The following GABRG3 variants were observed in gnomAD, a reference collection of about 807,000 sequenced individuals.
GABRG3 encodes the protein gamma-aminobutyric acid receptor subunit gamma-3.
GABRG3 carries 25 observed loss-of-function variants against 48.8 expected under a neutral mutation model. The observed-to-expected ratio is 0.51, with a 90% CI of 0.37 to 0.72. The LOEUF (loss-of-function observed/expected upper bound fraction) is 0.72, where lower values mean the gene tolerates loss of function less well. GABRG3 is among the 30% of genes least tolerant of loss of function. GABRG3 has a pLI of 0.00. For missense variants in GABRG3, 394 were observed against 577.9 expected (o/e 0.68, Z 3.26); for synonymous variants, 227 against 217.6 (o/e 1.04, Z -0.38).
At chr15:27,326,482 A>G (rs571741167) in intron 3 of GABRG3, among the ~76,000 whole-genome samples, 3 of 152,252 alleles carry the variant, frequency 2.0e-5, no homozygotes, top group South Asian at 2.1e-4. Context: ...AGGTCCTGCT[A>G]CCTGTCAAGG....
rs912294078 is a variant in GABRG3, at chr15:27,477,868, G to A, written c.575-2782G>A. Among the ~76,000 whole-genome samples, 113 of 151,988 alleles carry A rather than the reference G, an allele frequency of 7.4e-4. 1 individual carries two copies. The highest frequency in any genetic ancestry group is 2.4e-4 in the Non-Finnish European group (16 of 67,992). ...ATCCTGGCTAACATGGTGAAACCCC[G>A]TCTCTACCCAAAATACAAAAGATAA... On this transcript the variant is annotated intron_variant, in intron 5 of 9. Transcript: ENST00000615808.
chr15:27,105,916 T>G (rs774822412), intron 3 of GABRG3, among the ~76,000 whole-genome samples: 1 of 152,066 alleles, frequency 6.6e-6, no homozygotes, highest in African/African-American at 2.4e-5. Context: ...AACTGTGGTG[T>G]GTATATACAA....
intron 5 of GABRG3, among the ~76,000 whole-genome samples, chr15:27,346,102 AG>A (rs1894362573): frequency 1.7e-5 from 1 of 59,936 alleles, no homozygotes; most frequent in African/African-American, 5.6e-5. Context: ...AAGAAAGGAA[AG>A]AAAGAGAAAG....
chr15:27,527,558 C>G lies in GABRG3; in HGVS notation c.991C>G (p.Leu331Val). The G allele has an allele frequency of 6.2e-7, 1 of 1,613,924 alleles. No individual in the cohort carries two copies. The highest frequency in any genetic ancestry group is 8.5e-7 in the Non-Finnish European group (1 of 1,179,884). ...TVCFLFVFAA[L>V]MEYATLNYYS... ...GTGCTTCCTGTTTGTCTTCGCCGCG[C>G]TGATGGAGTATGCCACCCTCAACTA... Residue 331 changes from leucine (L) to valine (V), a missense_variant, in exon 8 of 10, where the codon CTG becomes GTG. Leu to Val is a conservative substitution (Grantham distance 32). Transcript: ENST00000615808.
chr15:27,399,117 AAAC>A (rs1488315075), intron 5 of GABRG3, among the ~76,000 whole-genome samples: 1 of 152,234 alleles, frequency 6.6e-6, no homozygotes, highest in Non-Finnish European at 1.5e-5. Context: ...TCAAAAGCTA[AAAC>A]AATGGCATAG....
chr15:27,293,217 A>G (rs534619806), intron 3 of GABRG3, among the ~76,000 whole-genome samples: 2 of 152,360 alleles, frequency 1.3e-5, no homozygotes, highest in South Asian at 4.1e-4. Context: ...TAGAGTAAGT[A>G]GAAATTGGAG....
intron 3 of GABRG3, among the ~76,000 whole-genome samples, chr15:27,127,020 G>T (rs1897833360): frequency 6.6e-6 from 1 of 152,126 alleles, no homozygotes; most frequent in African/African-American, 2.4e-5. Context: ...AGTATACATT[G>T]CTGGGTATTG....
intron 3 of GABRG3, among the ~76,000 whole-genome samples, chr15:27,310,408 A>G (rs1489157494): frequency 6.6e-6 from 1 of 152,154 alleles, no homozygotes; most frequent in East Asian, 1.9e-4. Context: ...TGTCTAAGAA[A>G]AATCTAGTAA....
At chr15:27,199,940 C>CTTCTCTCTTTCCTGTCATCA (rs1309761489) in intron 3 of GABRG3, among the ~76,000 whole-genome samples, 6 of 150,578 alleles carry the variant, frequency 4.0e-5, no homozygotes, top group Admixed American at 2.0e-4. Context: ...TCCCTTCATC[C>CTTCTCTCTTTCCTGTCATCA]TTCTCTCTTT....
chr15:27,326,176 T>C (rs375354534), intron 3 of GABRG3, among the ~76,000 whole-genome samples: 4 of 152,336 alleles, frequency 2.6e-5, no homozygotes, highest in East Asian at 1.9e-4. Flanking sequence ...GCCTCTGTAA[T>C]TTGTACCTCT....
At chr15:27,510,188 G>T (rs1056899745) in intron 6 of GABRG3, among the ~76,000 whole-genome samples, 3 of 152,140 alleles carry the variant, frequency 2.0e-5, no homozygotes, top group South Asian at 2.1e-4. Flanking sequence ...TGCTTGTTGC[G>T]TGTGGGTGGT....
intron 3 of GABRG3, among the ~76,000 whole-genome samples, chr15:27,074,343 G>A (rs1298389917): frequency 6.7e-6 from 1 of 149,986 alleles, no homozygotes; most frequent in Admixed American, 6.6e-5. Flanking sequence ...AGAGCCCCAA[G>A]AGAGAGAGTG....
intron 5 of GABRG3, among the ~76,000 whole-genome samples, chr15:27,368,264 C>G (rs1330670727): frequency 3.3e-5 from 5 of 152,160 alleles, no homozygotes; most frequent in African/African-American, 1.2e-4. Context: ...TGAACTGGTT[C>G]CTAAAGCTTG....
At chr15:27,339,534 A>T (rs1295309433) in intron 5 of GABRG3, among the ~76,000 whole-genome samples, 1 of 152,102 alleles carries the variant, frequency 6.6e-6, no homozygotes, top group Non-Finnish European at 1.5e-5. Context: ...AGACTTGCAC[A>T]CCTTGTGGAA....
chr15:27,039,818 G>T (rs536687263), intron 3 of GABRG3, among the ~76,000 whole-genome samples: 1 of 152,126 alleles, frequency 6.6e-6, no homozygotes, highest in African/African-American at 2.4e-5. Context: ...GTCACCCCGC[G>T]GTCCGCCATT....
intron 2 of GABRG3, among the ~76,000 whole-genome samples, chr15:27,003,199 TTATA>T (rs1566905781): frequency 8.0e-6 from 1 of 125,690 alleles, no homozygotes; most frequent in East Asian, 2.0e-4. Context: ...TATTTTTATT[TTATA>T]TTTATTTATT....
At chr15:27,322,195 C>A (rs1893450134) in intron 3 of GABRG3, among the ~76,000 whole-genome samples, 1 of 152,190 alleles carries the variant, frequency 6.6e-6, no homozygotes, top group South Asian at 2.1e-4. Flanking sequence ...GTTTCTTCAA[C>A]ATTTAGTCAA....
chr15:27,154,188 G>A (rs1174923660), intron 3 of GABRG3, among the ~76,000 whole-genome samples: 1 of 152,098 alleles, frequency 6.6e-6, no homozygotes, highest in Admixed American at 6.6e-5. Context: ...ATTTATTATA[G>A]TGGAGCCCTG....
intron 5 of GABRG3, among the ~76,000 whole-genome samples, chr15:27,388,190 G>A (rs1359863011): frequency 2.4e-5 from 2 of 83,062 alleles, no homozygotes; most frequent in South Asian, 1.1e-3. Context: ...GAGGGAGGGA[G>A]GGTAAGGAAG....
Sources: gnomAD v4.1 joint callset for allele counts (sites outside exome capture counted in the v4.1 genomes callset) on GRCh38, gnomAD v4.1.1 for gene constraint, MANE v1.5 for transcripts, NCBI Gene and HGNC (gene_info 2026-07-23, HGNC 2026-07-21) for gene names.